NRGN: variants seen among roughly 807,000 people sequenced by gnomAD.
NRGN encodes the protein calmodulin-binding protein.
For synonymous variants in NRGN, 47 were observed against 52.8 expected (o/e 0.89, Z 0.47); for missense variants, 82 against 123.0 (o/e 0.67, Z 1.58).
chr11:124,740,140 C>A lies in NRGN; in HGVS notation c.15+41C>A. 7.7e-7 allele frequency: 1 copy of A among 1,306,308 alleles called. No individual in the cohort carries two copies. The highest frequency in any genetic ancestry group is 1.5e-5 in the African/African-American group (1 of 66,164). 80.9% of individuals were successfully genotyped at this position (1,306,308 alleles called of 1,614,324 possible). A position where few individuals can be genotyped will look rare whatever the true frequency, so the allele number is the denominator to read the frequency against. ...CGGGGGAGGGGCACTTGGCGGGGTCCGCTGCGAGAGGCGCCTGAGAAAGCC... is the reference window on the plus strand; with the variant it reads ...CGGGGGAGGGGCACTTGGCGGGGTCAGCTGCGAGAGGCGCCTGAGAAAGCC... On this transcript the variant is annotated intron_variant, in intron 1 of 3. Coordinates refer to ENST00000284292, the MANE Select transcript of NRGN (RefSeq NM_006176.3). This position sits in a 1 kb window ranked among gnomAD's most constrained non-coding sequence, Gnocchi z 7.5.
chr11:124,740,995 G>T lies in NRGN; in HGVS notation c.15+896G>T, dbSNP rs1282020457. ...AGTCAACCAGCTAATGATACACGAG[G>T]TTACTGACTTTGCCACCTTATGGCA... On this transcript the variant is annotated intron_variant, in intron 1 of 3. Transcript: ENST00000284292. The surrounding 1 kb of genome is among the most constrained non-coding windows in gnomAD (Gnocchi z 7.5). 6.6e-6 allele frequency among the ~76,000 whole-genome samples: 1 copy of T among 152,224 alleles called. No homozygotes were observed. The highest frequency in any genetic ancestry group is 1.5e-5 in the Non-Finnish European group (1 of 68,050).
rs1943998400 is a variant in NRGN, at chr11:124,745,182, C to T, written c.16-321C>T. Among the ~76,000 whole-genome samples, 1 of 152,128 alleles carries T rather than the reference C, an allele frequency of 6.6e-6. No homozygotes were observed. The highest frequency in any genetic ancestry group is 1.5e-5 in the Non-Finnish European group (1 of 68,030). On this transcript the variant is annotated intron_variant, in intron 1 of 3. Transcript: ENST00000284292. The surrounding 1 kb of genome is among the most constrained non-coding windows in gnomAD (Gnocchi z 6.4). ...CCTGCTGCTGTTTTCCTTGCCCCTC[C>T]AAACCCACCCTCCAATCAGCTCTGC...
At chr11:124,742,345 C>T (rs1943972876) in intron 1 of NRGN, among the ~76,000 whole-genome samples, 1 of 152,150 alleles carries the variant, frequency 6.6e-6, no homozygotes, top group Non-Finnish European at 1.5e-5. Flanking sequence ...TGGGAAGAAT[C>T]TAGTCCTGTC....
intron 3 of NRGN, 26 bp from the exon 4 acceptor site, chr11:124,746,378 G>A (rs957114418): frequency 6.5e-6 from 1 of 152,704 alleles, no homozygotes; most frequent in African/African-American, 2.4e-5. Flanking sequence ...GAAGAGGGCA[G>A]GTTCTCAGAC....
intron 1 of NRGN, among the ~76,000 whole-genome samples, chr11:124,741,583 C>A (rs772604450): frequency 6.6e-6 from 1 of 151,948 alleles, no homozygotes; most frequent in African/African-American, 2.4e-5. Flanking sequence ...ATGGGCTCCT[C>A]ATGGAGGTTC....
Position 124,740,211 on chromosome 11 carries a change from G to T in NRGN, c.15+112G>T. On this transcript the variant is annotated intron_variant, in intron 1 of 3. Coordinates refer to ENST00000284292, the MANE Select transcript of NRGN (RefSeq NM_006176.3). The surrounding 1 kb of genome is among the most constrained non-coding windows in gnomAD (Gnocchi z 7.5). ...GGAAGTGGATGCGGAAGACCTAGGAGCAGAAAGAAAAGGGGTCCTTGCCGA... is the reference window on the plus strand; with the variant it reads ...GGAAGTGGATGCGGAAGACCTAGGATCAGAAAGAAAAGGGGTCCTTGCCGA... 1 of 838,858 alleles carries T rather than the reference G, an allele frequency of 1.2e-6. No homozygotes were observed. Among genetic ancestry groups the T allele is most frequent in the African/African-American group, 1.8e-5 (1 of 56,430 alleles). 52.0% of individuals were successfully genotyped at this position (838,858 alleles called of 1,614,324 possible).
At chr11:124,741,495 C>T (rs962188409) in intron 1 of NRGN, among the ~76,000 whole-genome samples, 1 of 151,968 alleles carries the variant, frequency 6.6e-6, no homozygotes. Flanking sequence ...GAGAACACCC[C>T]GATAACATAT....
chr11:124,741,745 T>C (rs1943967898), intron 1 of NRGN, among the ~76,000 whole-genome samples: 2 of 151,656 alleles, frequency 1.3e-5, no homozygotes, highest in Admixed American at 1.3e-4. Flanking sequence ...GTGGGAGACG[T>C]GGTCACTGGA....
At position 124,746,954 on chromosome 11, in the gene NRGN, C is replaced by A. The variant is rs556641307; in HGVS notation, c.*574C>A. ...CGGAAGAGAAGTCCCTATCCCACAC[C>A]TGCCTGTCACGTTCCCTCCCCTTTC... On this transcript the variant is annotated 3_prime_UTR_variant, in exon 4 of 4. Transcript: ENST00000284292. The A allele has an allele frequency of 6.5e-6, 1 of 153,018 alleles. No homozygotes were observed. The highest frequency in any genetic ancestry group is 2.4e-5 in the African/African-American group (1 of 41,566). The allele number at this position is 153,018 out of a possible 1,614,324, so 9.5% of individuals were successfully genotyped here. A position where few individuals can be genotyped will look rare whatever the true frequency, so the allele number is the denominator to read the frequency against.
At position 124,745,516 on chromosome 11, in the gene NRGN, C is replaced by T; in HGVS notation, c.29C>T (p.Ser10Phe). MDCCTENAC[S>F]KPDDDILDIP... ...CTTCGCCCCCAGGAGAACGCCTGCTCCAAGCCGGACGACGACATTCTAGAC... is the reference window on the plus strand; with the variant it reads ...CTTCGCCCCCAGGAGAACGCCTGCTTCAAGCCGGACGACGACATTCTAGAC... Residue 10 changes from serine (S) to phenylalanine (F), a missense_variant, in exon 2 of 4, where the codon TCC becomes TTC. Transcript: ENST00000284292. The surrounding 1 kb of genome is among the most constrained non-coding windows in gnomAD (Gnocchi z 6.4). 1 of 1,595,862 alleles carries T rather than the reference C, an allele frequency of 6.3e-7. No individual in the cohort carries two copies. The highest frequency in any genetic ancestry group is 8.5e-7 in the Non-Finnish European group (1 of 1,172,950).
chr11:124,745,685 G>A lies in NRGN; in HGVS notation c.198G>A (p.Val66=). 1.4e-6 allele frequency: 2 copies of A among 1,427,556 alleles called. No homozygotes were observed. The highest frequency in any genetic ancestry group is 9.1e-7 in the Non-Finnish European group (1 of 1,097,164). 88.4% of individuals were successfully genotyped at this position (1,427,556 alleles called of 1,614,324 possible). The part of the protein sequence containing the change: ...PGPGGPGGAG[V]ARGGAGGGPS... ...CTGGGGGGCCTGGCGGAGCTGGGGT[G>A]GCCCGGGGAGGCGCGGGCGGCGGCC... Residue 66 remains valine (V), a synonymous_variant, in exon 2 of 4, where the codon GTG becomes GTA. Transcript: ENST00000284292. The surrounding 1 kb of genome is among the most constrained non-coding windows in gnomAD (Gnocchi z 6.4).
At position 124,745,756 on chromosome 11, in the gene NRGN, G is replaced by C; in HGVS notation, c.*5+27G>C. 8.3e-7 allele frequency: 1 copy of C among 1,207,740 alleles called. No individual in the cohort carries two copies. Among genetic ancestry groups the C allele is most frequent in the Non-Finnish European group, 1.1e-6 (1 of 939,426 alleles). 74.8% of individuals were successfully genotyped at this position (1,207,740 alleles called of 1,614,324 possible). On this transcript the variant is annotated intron_variant, in intron 2 of 3. Coordinates refer to ENST00000284292, the MANE Select transcript of NRGN (RefSeq NM_006176.3). This position sits in a 1 kb window ranked among gnomAD's most constrained non-coding sequence, Gnocchi z 6.4. ...TGAGGCGGGCGGCGCGCGGCTGGCTGACAGCTGCCCTTCCCCAGCCCTCCC... is the reference window on the plus strand; with the variant it reads ...TGAGGCGGGCGGCGCGCGGCTGGCTCACAGCTGCCCTTCCCCAGCCCTCCC...
At chr11:124,742,802 G>C (rs930629610) in intron 1 of NRGN, among the ~76,000 whole-genome samples, 10 of 152,200 alleles carry the variant, frequency 6.6e-5, no homozygotes, top group African/African-American at 2.4e-4. Context: ...ATAACAAGCA[G>C]CAAGCAGGGG....
At position 124,740,146 on chromosome 11, in the gene NRGN, G is replaced by A. The variant is rs1264427580; in HGVS notation, c.15+47G>A. ...AGGGGCACTTGGCGGGGTCCGCTGCGAGAGGCGCCTGAGAAAGCCCTGGAG... is the reference window on the plus strand; with the variant it reads ...AGGGGCACTTGGCGGGGTCCGCTGCAAGAGGCGCCTGAGAAAGCCCTGGAG... On this transcript the variant is annotated intron_variant, in intron 1 of 3. Coordinates refer to ENST00000284292, the MANE Select transcript of NRGN (RefSeq NM_006176.3). The surrounding 1 kb of genome is among the most constrained non-coding windows in gnomAD (Gnocchi z 7.5). The A allele has an allele frequency of 1.9e-5, 24 of 1,291,216 alleles. No homozygotes were observed. In the East Asian group the frequency reaches 6.7e-4, roughly 36 times the overall value. The allele number at this position is 1,291,216 out of a possible 1,614,324, so 80.0% of individuals were successfully genotyped here.
chr11:124,745,483 C>A lies in NRGN; in HGVS notation c.16-20C>A, dbSNP rs770550881. 1.4e-5 allele frequency: 21 copies of A among 1,545,176 alleles called. 1 individual carries two copies. In the South Asian group the frequency reaches 2.5e-4, roughly 18 times the overall value. On this transcript the variant is annotated intron_variant, in intron 1 of 3. Transcript: ENST00000284292. The surrounding 1 kb of genome is among the most constrained non-coding windows in gnomAD (Gnocchi z 6.4). ...TCAAGACCCAGTGACCCCACAAGAACCCCCCTGCTTCGCCCCCAGGAGAAC... is the reference window on the plus strand; with the variant it reads ...TCAAGACCCAGTGACCCCACAAGAAACCCCCTGCTTCGCCCCCAGGAGAAC...
Position 124,740,062 on chromosome 11 carries a change from G to T in NRGN, c.-23G>T. The T allele has an allele frequency of 7.8e-7, 1 of 1,282,148 alleles. No individual in the cohort carries two copies. The highest frequency in any genetic ancestry group is 2.6e-5 in the South Asian group (1 of 38,232). 79.4% of individuals were successfully genotyped at this position (1,282,148 alleles called of 1,614,324 possible). A position where few individuals can be genotyped will look rare whatever the true frequency, so the allele number is the denominator to read the frequency against. On this transcript the variant is annotated 5_prime_UTR_variant, in exon 1 of 4. Coordinates refer to ENST00000284292, the MANE Select transcript of NRGN (RefSeq NM_006176.3). This position sits in a 1 kb window ranked among gnomAD's most constrained non-coding sequence, Gnocchi z 7.5. ...CCGCCCTGCGCCAGCCTTCGTCCCC[G>T]CAGAGGACCCCCCGACACCAGCATG...
chr11:124,742,056 C>G (rs1943970196), intron 1 of NRGN, among the ~76,000 whole-genome samples: 1 of 152,160 alleles, frequency 6.6e-6, no homozygotes, highest in East Asian at 1.9e-4. Context: ...CAAGTCATGC[C>G]CTGTCCTAGG....
intron 1 of NRGN, among the ~76,000 whole-genome samples, chr11:124,742,762 T>C (rs1337125836): frequency 1.3e-5 from 2 of 152,154 alleles, no homozygotes; most frequent in East Asian, 3.9e-4. Context: ...AGGTAATATA[T>C]GCAAAGCGCT....
intron 1 of NRGN, among the ~76,000 whole-genome samples, chr11:124,743,727 G>C (rs572328074): frequency 6.6e-6 from 1 of 152,192 alleles, no homozygotes. Flanking sequence ...GCAGAATCTG[G>C]CTAGGACAGT....
Sources: gnomAD v4.1 joint callset for allele counts (sites outside exome capture counted in the v4.1 genomes callset) on GRCh38, gnomAD v4.1.1 for gene constraint, Gnocchi (gnomAD v3.1) non-coding constraint, MANE v1.5 for transcripts, NCBI Gene and HGNC (gene_info 2026-07-23, HGNC 2026-07-21) for gene names.